PLCG2: variants seen among roughly 807,000 people sequenced by gnomAD.
The protein encoded by PLCG2 is phospholipase C gamma 2.
In PLCG2, 69 loss-of-function variants were observed where a neutral mutation model predicts 175.6. That is an observed-to-expected ratio of 0.39 (90% CI 0.32 to 0.48). The LOEUF (loss-of-function observed/expected upper bound fraction) is 0.48, where lower values mean the gene tolerates loss of function less well. PLCG2 is among the 20% of genes least tolerant of loss of function. The pLI is 0.91. For missense variants in PLCG2, 1,798 were observed against 1,650.9 expected (o/e 1.09, Z -1.54); for synonymous variants, 827 against 624.0 (o/e 1.33, Z -4.85).
intron 30 of PLCG2, among the ~76,000 whole-genome samples, chr16:81,940,746 G>C (rs914657442): frequency 6.6e-6 from 1 of 152,104 alleles, no homozygotes; most frequent in African/African-American, 2.4e-5. Flanking sequence ...GGGGATTTGG[G>C]ACCCTGCTGC....
intron 2 of PLCG2, chr16:81,767,490 C>G (rs1032066745): frequency 6.6e-6 from 1 of 152,152 alleles, no homozygotes; most frequent in African/African-American, 2.4e-5. Context: ...GCTTAGGGAC[C>G]GTCACCTCCA....
chr16:81,882,641 C>T (rs1908141897), intron 8 of PLCG2, among the ~76,000 whole-genome samples: 1 of 152,052 alleles, frequency 6.6e-6, no homozygotes, highest in South Asian at 2.1e-4. Context: ...GCTCCTACTC[C>T]TCTTTCTTTC....
At chr16:81,744,726 C>T (rs1909670489) in intron 1 of PLCG2, among the ~76,000 whole-genome samples, 1 of 152,078 alleles carries the variant, frequency 6.6e-6, no homozygotes, top group African/African-American at 2.4e-5. Flanking sequence ...CATGGGTCAC[C>T]ATACCCAGCT....
At chr16:81,778,121 A>G (rs115876052), upstream of PLCG2, among the ~76,000 whole-genome samples, 4 of 151,972 alleles carry the variant, frequency 2.6e-5, no homozygotes, top group African/African-American at 9.7e-5. Context: ...CATGCCTGTG[A>G]TCCCAGTGCT....
chr16:81,874,403 A>T (rs566625330), intron 7 of PLCG2, among the ~76,000 whole-genome samples: 2 of 152,344 alleles, frequency 1.3e-5, no homozygotes, highest in Non-Finnish European at 2.9e-5. Flanking sequence ...GCATTTTAAA[A>T]ATTTAATTTA....
chr16:81,741,682 A>T (rs1909597783), intron 1 of PLCG2, among the ~76,000 whole-genome samples: 1 of 152,108 alleles, frequency 6.6e-6, no homozygotes, highest in Non-Finnish European at 1.5e-5. Flanking sequence ...TGGTGGTGCA[A>T]GCCTGTAGTC....
At chr16:81,874,507 C>T (rs546054208) in intron 7 of PLCG2, among the ~76,000 whole-genome samples, 37 of 152,336 alleles carry the variant, frequency 2.4e-4, no homozygotes, top group African/African-American at 8.2e-4. Context: ...AATGCCCATC[C>T]CCTAACCTGT....
chr16:81,811,524 C>T (rs1371293004), intron 2 of PLCG2, among the ~76,000 whole-genome samples: 2 of 151,966 alleles, frequency 1.3e-5, no homozygotes, highest in African/African-American at 4.8e-5. Context: ...CCTCTAGTCC[C>T]CCAACCCCTA....
chr16:81,908,889 T>G (rs1325793124), intron 17 of PLCG2, among the ~76,000 whole-genome samples: 1 of 152,196 alleles, frequency 6.6e-6, no homozygotes, highest in East Asian at 1.9e-4. Flanking sequence ...GACCCTACTC[T>G]TAGATGATGT....
At chr16:81,933,702 G>T (rs1008994005) in intron 25 of PLCG2, among the ~76,000 whole-genome samples, 1 of 152,106 alleles carries the variant, frequency 6.6e-6, no homozygotes, top group South Asian at 2.1e-4. Context: ...TGCTTAGCCT[G>T]TGACGGCTAG....
In PLCG2 at chr16:81,824,052, TCCTGTCCTGTCCTGTCCTGTCCTGTCCTG is replaced by T. The variant is rs1904934332; in HGVS notation, c.194-30391_194-30363del. 7.1e-5 allele frequency among the ~76,000 whole-genome samples: 5 copies of T among 70,716 alleles called. No individual in the cohort carries two copies. The South Asian group carries it at 2.5e-3, about 35-fold the overall frequency. The allele number at this position is 70,716 out of a possible 152,430, so 46.4% of individuals were successfully genotyped here. A position where few individuals can be genotyped will look rare whatever the true frequency, so the allele number is the denominator to read the frequency against. ...TCCTTTCCTTTCCTTTCCTTTCCTGTCCTGTCCTGTCCTGTCCTGTCCTGTCCTGTCCTGTCCTGTCCTTTCCTTTCTTT... is the reference window on the plus strand; with the variant it reads ...TCCTTTCCTTTCCTTTCCTTTCCTGTTCCTGTCCTGTCCTTTCCTTTCTTT... On this transcript the variant is annotated intron_variant, in intron 2 of 32. Transcript: ENST00000564138.
chr16:81,866,801 C>T (rs571074601), intron 5 of PLCG2, among the ~76,000 whole-genome samples: 107 of 152,352 alleles, frequency 7.0e-4, no homozygotes, highest in Non-Finnish European at 2.9e-5. Flanking sequence ...CTCCTCTCCC[C>T]ACGACCCCTC....
At position 81,843,868 on chromosome 16, in the gene PLCG2, G is replaced by A. The variant is rs574926567; in HGVS notation, c.194-10576G>A. On this transcript the variant is annotated intron_variant, in intron 2 of 32. Transcript: ENST00000564138. ...CCGGGTTTGATGTGCCGTTGGTTGT[G>A]TGTCTAACTGCTTCTCTTCCATTGC... 7.2e-5 allele frequency among the ~76,000 whole-genome samples: 11 copies of A among 152,320 alleles called. No homozygotes were observed. The East Asian group carries it at 1.5e-3, about 21-fold the overall frequency.
chr16:81,908,354 G>A, intron 16 of PLCG2, 62 bp from the exon 17 acceptor site: 1 of 1,473,554 alleles, frequency 6.8e-7, no homozygotes, highest in Non-Finnish European at 9.4e-7. Context: ...AGAAGGACCT[G>A]TCTAGTGATG....
At chr16:81,937,700 C>G (rs918741320) in intron 27 of PLCG2, 58 bp from the exon 28 acceptor site, 144 of 1,536,524 alleles carry the variant, frequency 9.4e-5, no homozygotes, top group Non-Finnish European at 1.2e-4. Context: ...AAACTCCTGG[C>G]CTAGGGGGCC....
At chr16:81,907,223 G>A (rs1909412636) in intron 15 of PLCG2, among the ~76,000 whole-genome samples, 1 of 151,932 alleles carries the variant, frequency 6.6e-6, no homozygotes, top group South Asian at 2.1e-4. Context: ...TTAACGTCAT[G>A]CATGACAATA....
At chr16:81,937,951 G>T (rs1910784827) in intron 28 of PLCG2, 48 bp downstream of exon 28, 3 of 1,598,858 alleles carry the variant, frequency 1.9e-6, no homozygotes. Context: ...CGCCCTCCCT[G>T]GGGGCTGGGC....
intron 30 of PLCG2, among the ~76,000 whole-genome samples, chr16:81,942,687 C>CTT (rs1467663967): frequency 1.3e-5 from 2 of 152,274 alleles, no homozygotes; most frequent in African/African-American, 4.8e-5. Flanking sequence ...ATTCTGAGCA[C>CTT]TTTGAGGCCG....
At chr16:81,928,529 A>C (rs1248906153) in intron 23 of PLCG2, 29 bp from the exon 24 acceptor site, 3 of 1,426,614 alleles carry the variant, frequency 2.1e-6, no homozygotes, top group Non-Finnish European at 3.0e-6. Context: ...CGTTACAACT[A>C]ACGTGAGTTA....
Sources: gnomAD v4.1 joint callset for allele counts (sites outside exome capture counted in the v4.1 genomes callset) on GRCh38, gnomAD v4.1.1 for gene constraint, MANE v1.5 for transcripts, NCBI Gene and HGNC (gene_info 2026-07-23, HGNC 2026-07-21) for gene names.